Variants in RP1 observed in about 807,000 individuals in gnomAD.
The protein encoded by RP1 is RP1 axonemal microtubule associated.
In RP1, 16 loss-of-function variants were observed where a neutral mutation model predicts 14.8. The observed-to-expected ratio is 1.08, with a 90% CI of 0.73 to 1.65. The LOEUF is 1.65. RP1 is among the 40% of genes most tolerant of loss of function. RP1 has a pLI of 0.00. For missense variants in RP1, 2,631 were observed against 2,535.0 expected (o/e 1.04, Z -0.81); for synonymous variants, 876 against 883.6 (o/e 0.99, Z 0.15).
chr8:54,649,290 C>G (rs115344193), intron 4 of RP1: 4 of 639,186 alleles, frequency 6.3e-6, no homozygotes, highest in Non-Finnish European at 9.2e-6. Flanking sequence ...AGTTTTTGCT[C>G]AAGCAGATTT....
chr8:54,710,102 C>T (rs527750880), intron 15 of RP1, among the ~76,000 whole-genome samples: 35 of 152,278 alleles, frequency 2.3e-4, no homozygotes, highest in African/African-American at 7.9e-4. Flanking sequence ...CTAGGGCAAC[C>T]AGAACATGAG....
intron 24 of RP1, among the ~76,000 whole-genome samples, chr8:54,794,977 G>A (rs1322609582): frequency 6.6e-6 from 1 of 151,966 alleles, no homozygotes; most frequent in Non-Finnish European, 1.5e-5. Flanking sequence ...TGGCCAACAT[G>A]TACACAAAAA....
exon 14 of RP1, chr8:54,701,557 A>T (rs1457862249): frequency 5.2e-6 from 8 of 1,535,640 alleles, no homozygotes; most frequent in African/African-American, 2.7e-5. Context: ...TTGAGTCGGC[A>T]CTGGTTCCTG....
intron 2 of RP1, 29 bp from the exon 3 acceptor site, chr8:54,622,088 C>T: frequency 6.2e-7 from 1 of 1,612,618 alleles, no homozygotes; most frequent in South Asian, 1.1e-5. Context: ...ATGTGCTCAT[C>T]TCAGGATAAT....
At chr8:54,696,957 A>C (rs1476256303) in intron 12 of RP1, 2 of 1,171,568 alleles carry the variant, frequency 1.7e-6, no homozygotes, top group African/African-American at 1.5e-5. Context: ...TGCTTGGAAG[A>C]CCTCATTCAT....
intron 28 of RP1, among the ~76,000 whole-genome samples, chr8:54,866,473 C>T (rs1812461791): frequency 6.6e-6 from 1 of 152,162 alleles, no homozygotes; most frequent in African/African-American, 2.4e-5. Context: ...ACTTCTGATT[C>T]TCAGTTTCAA....
intron 1 of RP1, among the ~76,000 whole-genome samples, chr8:54,570,247 A>G (rs1804492384): frequency 6.6e-6 from 1 of 151,998 alleles, no homozygotes; most frequent in African/African-American, 2.4e-5. Context: ...GCATCACAAT[A>G]TTCATCCTGG....
At chr8:54,610,215 A>G (rs1358445554) in intron 1 of RP1, among the ~76,000 whole-genome samples, 3 of 151,972 alleles carry the variant, frequency 2.0e-5, no homozygotes, top group Admixed American at 6.5e-5. Context: ...GCTCATCACT[A>G]CCTCCTTTTG....
intron 1 of RP1, among the ~76,000 whole-genome samples, chr8:54,587,442 A>G (rs75702766): frequency 1.3e-5 from 2 of 151,420 alleles, no homozygotes; most frequent in South Asian, 2.1e-4. Flanking sequence ...AAAAAAAAAA[A>G]AGAGAGAGAG....
intron 1 of RP1, among the ~76,000 whole-genome samples, chr8:54,598,343 A>G (rs1463071300): frequency 1.3e-5 from 2 of 152,190 alleles, no homozygotes; most frequent in Non-Finnish European, 2.9e-5. Context: ...TTGTACATAC[A>G]TAACTATCAG....
At chr8:54,680,007 T>C (rs1471208285) in intron 12 of RP1, 1 of 1,467,678 alleles carries the variant, frequency 6.8e-7, no homozygotes, top group East Asian at 2.5e-5. Flanking sequence ...CTAGACACAG[T>C]TTAATTTATA....
At chr8:54,673,932 A>AG in intron 8 of RP1, 4 of 1,533,288 alleles carry the variant, frequency 2.6e-6, no homozygotes, top group Non-Finnish European at 3.5e-6. Flanking sequence ...GGCCCAGGTA[A>AG]GACTCTTCCA....
intron 22 of RP1, among the ~76,000 whole-genome samples, chr8:54,765,716 C>T (rs1466916470): frequency 6.6e-6 from 1 of 152,084 alleles, no homozygotes; most frequent in Non-Finnish European, 1.5e-5. Flanking sequence ...AATTCTTATC[C>T]CTCAAGGCCC....
At chr8:54,778,594 A>G (rs906243491) in intron 23 of RP1, among the ~76,000 whole-genome samples, 4 of 152,238 alleles carry the variant, frequency 2.6e-5, no homozygotes, top group Middle Eastern at 3.4e-3. Flanking sequence ...AAGTGCTGGG[A>G]TTACAGGCAT....
intron 12 of RP1, among the ~76,000 whole-genome samples, chr8:54,685,115 G>A (rs1387955240): frequency 6.6e-6 from 1 of 152,040 alleles, no homozygotes; most frequent in African/African-American, 2.4e-5. Context: ...ACCAGCTCCT[G>A]GATTTGTTGA....
chr8:54,625,246 G>C lies in RP1; in HGVS notation c.1364G>C (p.Arg455Thr), dbSNP rs1040431169. Residue 455 changes from arginine (R) to threonine (T), a missense_variant, in exon 4 of 4, where the codon AGA becomes ACA. By Grantham distance (71) the Arg-to-Thr change is moderately conservative. Coordinates refer to ENST00000220676, the MANE Select transcript of RP1 (RefSeq NM_006269.2). The stretch of plus-strand genomic sequence containing the variant: ...TATAGGCCCCCTACACCTGGACTAA[G>C]AAGAGTGAGACAAAAGAAATCTGTG... ...RFYRPPTPGL[R>T]RVRQKKSVIG... The C allele has an allele frequency of 1.9e-6, 3 of 1,614,166 alleles. No individual in the cohort carries two copies. Among genetic ancestry groups the C allele is most frequent in the Non-Finnish European group, 2.5e-6 (3 of 1,180,038 alleles).
chr8:54,712,975 A>G (rs1423120366), intron 15 of RP1, among the ~76,000 whole-genome samples: 3 of 152,196 alleles, frequency 2.0e-5, no homozygotes, highest in African/African-American at 7.2e-5. Flanking sequence ...ATAATCTCCA[A>G]AGGGATTTAA....
rs746964591 is a variant in RP1 at position 54,625,357 on chromosome 8, G to A, written c.1475G>A (p.Gly492Glu). ...QFSYSEERESGENKSEYHMFT... is the reference protein window; with the variant it reads ...QFSYSEERESEENKSEYHMFT... ...TCATATAGTGAAGAAAGGGAAAGTG[G>A]GGAAAACAAGTCTGAGTATCACATG... is the stretch of plus-strand genomic sequence containing the variant. The change falls in exon 4 of 4, where the codon GGG (glycine) becomes GAG (glutamate). Residue 492 changes from glycine to glutamate, a missense_variant. Gly to Glu is a moderately conservative substitution (Grantham distance 98). Coordinates refer to ENST00000220676, the MANE Select transcript of RP1 (RefSeq NM_006269.2). The A allele has an allele frequency of 1.2e-6, 2 of 1,614,082 alleles. No homozygotes were observed. The highest frequency in any genetic ancestry group is 2.2e-5 in the South Asian group (2 of 91,072).
rs1805847029 is a variant in RP1 at position 54,621,064 on chromosome 8, T to C, written c.98T>C (p.Val33Ala). Residue 33 changes from valine (V) to alanine (A), a missense_variant, in exon 2 of 4, where the codon GTT becomes GCT. Transcript: ENST00000220676. ...CGCCATTTGAGCCTCACTCATCCTGTTGTGGCCAAGCGAATCAGTTTCTAC... is the reference window on the plus strand; with the variant it reads ...CGCCATTTGAGCCTCACTCATCCTGCTGTGGCCAAGCGAATCAGTTTCTAC... The part of the protein sequence containing the change: ...PPRHLSLTHP[V>A]VAKRISFYKS... 1.2e-6 allele frequency: 2 copies of C among 1,614,132 alleles called. No homozygotes were observed. Among genetic ancestry groups the C allele is most frequent in the South Asian group, 1.1e-5 (1 of 91,074 alleles).
Sources: allele counts gnomAD v4.1 joint callset (sites outside exome capture counted in the v4.1 genomes callset), GRCh38; gene constraint gnomAD v4.1.1; transcripts MANE v1.5; gene names NCBI Gene and HGNC (gene_info 2026-07-23, HGNC 2026-07-21).